MIR2052HG: variants seen among roughly 807,000 people sequenced by gnomAD.
MIR2052HG encodes MIR2052 host gene.
At chr8:74,746,133 T>C (rs941523345) in intron 4 of MIR2052HG, among the ~76,000 whole-genome samples, 2 of 152,136 alleles carry the variant, frequency 1.3e-5, no homozygotes, top group Non-Finnish European at 2.9e-5. Flanking sequence ...GTCAATGAGA[T>C]AGATTCTCTC....
chr8:74,720,119 G>T (rs1369602466), intron 4 of MIR2052HG, among the ~76,000 whole-genome samples: 1 of 152,058 alleles, frequency 6.6e-6, no homozygotes, highest in African/African-American at 2.4e-5. Flanking sequence ...AAAGTGTTGG[G>T]ATTACAGGCG....
At chr8:74,637,898 C>T (rs566041923) in intron 2 of MIR2052HG, among the ~76,000 whole-genome samples, 9 of 152,258 alleles carry the variant, frequency 5.9e-5, no homozygotes, top group Non-Finnish European at 1.3e-4. Context: ...TCATGGAATG[C>T]CTTCTATGTG....
intron 2 of MIR2052HG, among the ~76,000 whole-genome samples, chr8:74,641,332 T>C (rs947073600): frequency 6.6e-6 from 1 of 152,166 alleles, no homozygotes; most frequent in Non-Finnish European, 1.5e-5. Flanking sequence ...TGTATAATTA[T>C]CTGGTGAATC....
At chr8:74,611,129 A>G (rs1465264340) in intron 1 of MIR2052HG, among the ~76,000 whole-genome samples, 1 of 152,110 alleles carries the variant, frequency 6.6e-6, no homozygotes, top group Non-Finnish European at 1.5e-5. Context: ...TCAAAACTCA[A>G]TAATAAAAAT....
chr8:74,631,684 T>C (rs2128734238), intron 2 of MIR2052HG, among the ~76,000 whole-genome samples: 1 of 152,336 alleles, frequency 6.6e-6, no homozygotes, highest in Non-Finnish European at 1.5e-5. Flanking sequence ...CAAAAATGCC[T>C]TAGACTGGGT....
intron 2 of MIR2052HG, among the ~76,000 whole-genome samples, chr8:74,658,402 T>C (rs1808828321): frequency 6.8e-6 from 1 of 146,756 alleles, no homozygotes; most frequent in African/African-American, 2.6e-5. Context: ...TTTTTTTTTT[T>C]CTTTTTGAGA....
At chr8:74,749,317 G>T (rs1257295839) in intron 4 of MIR2052HG, among the ~76,000 whole-genome samples, 2 of 151,870 alleles carry the variant, frequency 1.3e-5, no homozygotes, top group East Asian at 3.9e-4. Context: ...AGCTCTGTAA[G>T]CTACAATATG....
chr8:74,615,885 G>A (rs9773228), intron 2 of MIR2052HG, among the ~76,000 whole-genome samples: 72,311 of 151,866 alleles, frequency 0.48, 18,324 homozygotes, highest in Middle Eastern at 0.66. Flanking sequence ...CCTTGCGATA[G>A]TTTGCTCAGA....
chr8:74,605,982 GC>G (rs1312937254), intron 1 of MIR2052HG, among the ~76,000 whole-genome samples: 1 of 152,142 alleles, frequency 6.6e-6, no homozygotes, highest in Admixed American at 6.6e-5. Context: ...AAGTTCTCTG[GC>G]CCCGAAGAAG....
intron 4 of MIR2052HG, among the ~76,000 whole-genome samples, chr8:74,716,193 C>T (rs1044272698): frequency 6.6e-6 from 1 of 151,858 alleles, no homozygotes; most frequent in South Asian, 2.1e-4. Context: ...AGTCTCCTCT[C>T]GCACTTATCT....
At chr8:74,609,692 C>A (rs1160525622) in intron 1 of MIR2052HG, 2 of 150,038 alleles carry the variant, frequency 1.3e-5, no homozygotes, top group African/African-American at 2.4e-5. Flanking sequence ...AAAAAAGATA[C>A]TCTCATTTAA....
chr8:74,667,474 T>G lies in MIR2052HG; in HGVS notation n.217-34905T>G, dbSNP rs750447551. Among the ~76,000 whole-genome samples, 4 of 152,358 alleles carry G rather than the reference T, an allele frequency of 2.6e-5. No homozygotes were observed. In the South Asian group the frequency reaches 6.2e-4, roughly 24 times the overall value. On this transcript the variant is annotated intron_variant and non_coding_transcript_variant, in intron 2 of 6. Coordinates refer to ENST00000523442, the Ensembl canonical transcript of MIR2052HG. ...GGAATGTAAATGAATATGGCATTAT[T>G]TTTACATTTATTTTAATAATCTAAA...
chr8:74,740,032 G>A (rs1220982745), intron 4 of MIR2052HG, among the ~76,000 whole-genome samples: 1 of 152,120 alleles, frequency 6.6e-6, no homozygotes, highest in East Asian at 1.9e-4. Flanking sequence ...AATGCACATA[G>A]TAGTATCATT....
chr8:74,728,174 T>TA (rs1233576037), intron 4 of MIR2052HG, among the ~76,000 whole-genome samples: 4 of 152,314 alleles, frequency 2.6e-5, no homozygotes, highest in Admixed American at 6.5e-5. Context: ...TGAAGATAAT[T>TA]AAAAAACCAA....
intron 4 of MIR2052HG, among the ~76,000 whole-genome samples, chr8:74,728,935 C>G (rs1809662623): frequency 6.6e-6 from 1 of 152,082 alleles, no homozygotes; most frequent in Non-Finnish European, 1.5e-5. Flanking sequence ...CTTTGGTTAT[C>G]ACAAATAGTC....
intron 2 of MIR2052HG, among the ~76,000 whole-genome samples, chr8:74,647,779 A>G (rs571492259): frequency 3.3e-5 from 5 of 152,312 alleles, no homozygotes; most frequent in African/African-American, 1.2e-4. Flanking sequence ...TCCCAAAATT[A>G]ATACTTTTAT....
chr8:74,609,336 G>A (rs1808157515), intron 1 of MIR2052HG, among the ~76,000 whole-genome samples: 1 of 151,952 alleles, frequency 6.6e-6, no homozygotes, highest in African/African-American at 2.4e-5. Context: ...TTTAGACCCA[G>A]ATGCTTCGCT....
intron 2 of MIR2052HG, among the ~76,000 whole-genome samples, chr8:74,636,463 A>G (rs1586899613): frequency 6.6e-6 from 1 of 152,192 alleles, no homozygotes; most frequent in African/African-American, 2.4e-5. Context: ...ATATGCAGGA[A>G]TGAAAACAAA....
intron 2 of MIR2052HG, among the ~76,000 whole-genome samples, chr8:74,659,703 C>T (rs1026500098): frequency 1.3e-5 from 2 of 152,114 alleles, no homozygotes; most frequent in Non-Finnish European, 2.9e-5. Context: ...ATTTTGGCCT[C>T]CTAAAGTGGT....
Sources: allele counts gnomAD v4.1 joint callset (sites outside exome capture counted in the v4.1 genomes callset), GRCh38; gene constraint gnomAD v4.1.1; transcripts MANE v1.5; gene names NCBI Gene and HGNC (gene_info 2026-07-23, HGNC 2026-07-21).